The following PRKCB variants were observed in gnomAD, a reference collection of about 807,000 sequenced individuals.
PRKCB encodes protein kinase C beta type.
In PRKCB, 13 loss-of-function variants were observed where a neutral mutation model predicts 81.5. That is an observed-to-expected ratio of 0.16 (90% CI 0.10 to 0.25). The LOEUF is 0.25. Among genes scored for constraint, PRKCB ranks in the 10% least tolerant of loss-of-function variants. The pLI is 1.00. For missense variants in PRKCB, 509 were observed against 875.7 expected (o/e 0.58, Z 5.29); for synonymous variants, 335 against 321.4 (o/e 1.04, Z -0.45).
At chr16:24,018,004 T>C (rs1596513661) in intron 3 of PRKCB, among the ~76,000 whole-genome samples, 1 of 147,294 alleles carries the variant, frequency 6.8e-6, no homozygotes, top group African/African-American at 2.5e-5. Context: ...GTTCATGCCA[T>C]ACTCCTGCCT....
intron 10 of PRKCB, among the ~76,000 whole-genome samples, chr16:24,160,134 A>G (rs894011813): frequency 6.6e-6 from 1 of 151,864 alleles, no homozygotes; most frequent in African/African-American, 2.4e-5. Flanking sequence ...AAGTTCCACA[A>G]TCAGTAAGTG....
intron 7 of PRKCB, among the ~76,000 whole-genome samples, chr16:24,108,977 G>A (rs1186056232): frequency 1.4e-5 from 2 of 146,922 alleles, no homozygotes; most frequent in Admixed American, 6.7e-5. Context: ...TGGCCGGGCG[G>A]GGGACTGACC....
At chr16:23,933,533 A>G (rs145908440) in intron 2 of PRKCB, among the ~76,000 whole-genome samples, 1 of 152,180 alleles carries the variant, frequency 6.6e-6, no homozygotes, top group African/African-American at 2.4e-5. Context: ...GGAAGATAAT[A>G]TTTTAAATCA....
chr16:24,010,257 A>C (rs190902623), intron 3 of PRKCB, among the ~76,000 whole-genome samples: 15 of 152,304 alleles, frequency 9.8e-5, no homozygotes, highest in Admixed American at 3.3e-4. Flanking sequence ...CCGTTTCCTA[A>C]TTCCTGCTGT....
At chr16:24,054,842 G>A (rs1367541588) in intron 5 of PRKCB, among the ~76,000 whole-genome samples, 1 of 152,214 alleles carries the variant, frequency 6.6e-6, no homozygotes, top group Non-Finnish European at 1.5e-5. Flanking sequence ...TGTGCATGAT[G>A]TAAACATGGC....
chr16:24,219,959 A>G lies in PRKCB; in HGVS notation c.*5143A>G. 6.2e-7 allele frequency: 1 copy of G among 1,613,918 alleles called. No individual in the cohort carries two copies. The highest frequency in any genetic ancestry group is 2.2e-5 in the East Asian group (1 of 44,852). On this transcript the variant is annotated 3_prime_UTR_variant, in exon 17 of 17. Coordinates refer to ENST00000643927, the MANE Select transcript of PRKCB (RefSeq NM_002738.7). ...TTAATGTGTTTACTTTCCATTTGGC[A>G]GAGAGACAAGAGAGACACCTCCAAC... is the stretch of plus-strand genomic sequence containing the variant.
At chr16:24,197,953 C>A (rs556821659) in intron 16 of PRKCB, among the ~76,000 whole-genome samples, 3 of 152,252 alleles carry the variant, frequency 2.0e-5, no homozygotes, top group South Asian at 2.1e-4. Context: ...TGATACAGAG[C>A]GCTGGCTTGC....
intron 5 of PRKCB, among the ~76,000 whole-genome samples, chr16:24,085,541 C>A (rs1966301466): frequency 6.6e-6 from 1 of 152,180 alleles, no homozygotes; most frequent in African/African-American, 2.4e-5. Flanking sequence ...AAAATTTGGA[C>A]TCTCTTAAGA....
At chr16:23,938,605 G>C (rs752404575) in intron 2 of PRKCB, among the ~76,000 whole-genome samples, 3 of 152,086 alleles carry the variant, frequency 2.0e-5, no homozygotes. Context: ...ATGAAGACTG[G>C]GAAGTAGATA....
intron 3 of PRKCB, among the ~76,000 whole-genome samples, chr16:23,992,045 A>AG (rs1387203664): frequency 5.3e-5 from 8 of 152,252 alleles, no homozygotes; most frequent in Non-Finnish European, 7.3e-5. Context: ...CCTATAAAAA[A>AG]GACCCCAGAG....
chr16:24,101,991 G>A (rs371474600), intron 7 of PRKCB, among the ~76,000 whole-genome samples: 16 of 152,300 alleles, frequency 1.1e-4, no homozygotes, highest in East Asian at 3.9e-4. Flanking sequence ...TGTAAGCAAC[G>A]GTGCTGGGTT....
rs1335208035 is a variant in PRKCB at position 24,216,280 on chromosome 16, T to C, written c.*1464T>C. ...GACCAGCTGGGAACGTGAATGGGGCTCTTGATTTTCTTATCAAAATCACCA... is the reference window on the plus strand; with the variant it reads ...GACCAGCTGGGAACGTGAATGGGGCCCTTGATTTTCTTATCAAAATCACCA... On this transcript the variant is annotated 3_prime_UTR_variant, in exon 17 of 17. Transcript: ENST00000643927. 1 of 985,322 alleles carries C rather than the reference T, an allele frequency of 1.0e-6. No homozygotes were observed. Among genetic ancestry groups the C allele is most frequent in the East Asian group, 1.1e-4 (1 of 8,812 alleles). 61.0% of individuals were successfully genotyped at this position (985,322 alleles called of 1,614,324 possible).
At chr16:23,869,552 A>G (rs12931116) in intron 2 of PRKCB, among the ~76,000 whole-genome samples, 70,591 of 152,134 alleles carry the variant, frequency 0.46, 17,482 homozygotes, top group East Asian at 0.62. Context: ...TCTAACTTAC[A>G]TCATATTTTC....
At chr16:23,998,122 C>G (rs973608926) in intron 3 of PRKCB, among the ~76,000 whole-genome samples, 1 of 152,150 alleles carries the variant, frequency 6.6e-6, no homozygotes, top group Admixed American at 6.5e-5. Context: ...TAAATTCACT[C>G]TCTCTTTTTG....
At position 24,146,858 on chromosome 16, in the gene PRKCB, G is replaced by A. The variant is rs527684951; in HGVS notation, c.1066-7826G>A. ...AGGGACAGCTGAACAAACAGCCCACGCCCTCTATGTTGGTATTAAAGTTTC... is the reference window on the plus strand; with the variant it reads ...AGGGACAGCTGAACAAACAGCCCACACCCTCTATGTTGGTATTAAAGTTTC... On this transcript the variant is annotated intron_variant, in intron 9 of 16. Transcript: ENST00000643927. Among the ~76,000 whole-genome samples, 70 of 152,180 alleles carry A rather than the reference G, an allele frequency of 4.6e-4. 2 individuals are homozygous for A. The South Asian group carries it at 0.014, about 30-fold the overall frequency.
At chr16:24,141,345 C>T (rs1252766889) in intron 9 of PRKCB, among the ~76,000 whole-genome samples, 3 of 152,160 alleles carry the variant, frequency 2.0e-5, no homozygotes, top group Non-Finnish European at 2.9e-5. Flanking sequence ...CAAGCATGCA[C>T]CACCATGCCT....
chr16:23,846,894 C>A (rs897737377), intron 2 of PRKCB, among the ~76,000 whole-genome samples: 6 of 152,064 alleles, frequency 3.9e-5, no homozygotes, highest in Admixed American at 3.9e-4. Context: ...AGCTGTTAAT[C>A]ATTACCATGG....
Position 24,020,972 on chromosome 16 carries a change from TTCTTTTTCTTTC to T in PRKCB, c.289-11162_289-11151del, listed in dbSNP as rs1359679913. Among the ~76,000 whole-genome samples, 418 of 98,214 alleles carry T rather than the reference TTCTTTTTCTTTC, an allele frequency of 4.3e-3. 4 individuals are homozygous for T. Among genetic ancestry groups the T allele is most frequent in the African/African-American group, 0.016 (402 of 25,476 alleles). The allele number at this position is 98,214 out of a possible 152,430, so 64.4% of individuals were successfully genotyped here. On this transcript the variant is annotated intron_variant, in intron 3 of 16. Transcript: ENST00000643927. The stretch of plus-strand genomic sequence containing the variant: ...AGCCCATTCAGACTGAGAGAGACTT[TTCTTTTTCTTTC>T]TTTCTTTCTTTCTTTCTTTCTTTCT...
intron 3 of PRKCB, among the ~76,000 whole-genome samples, chr16:23,996,330 A>T (rs953556364): frequency 6.6e-6 from 1 of 152,220 alleles, no homozygotes; most frequent in African/African-American, 2.4e-5. Flanking sequence ...GCTCATGAAC[A>T]AAGTGGCCGT....
Sources: gnomAD v4.1 joint callset for allele counts (sites outside exome capture counted in the v4.1 genomes callset) on GRCh38, gnomAD v4.1.1 for gene constraint, MANE v1.5 for transcripts, NCBI Gene and HGNC (gene_info 2026-07-23, HGNC 2026-07-21) for gene names.